The following SLC34A2 variants were observed in gnomAD, a reference collection of about 807,000 sequenced individuals.
SLC34A2 encodes solute carrier family 34 member 2.
A neutral mutation model predicts 50.8 loss-of-function variants in SLC34A2; 41 were observed. That is an observed-to-expected ratio of 0.81 (90% CI 0.63 to 1.05). The LOEUF (loss-of-function observed/expected upper bound fraction) is 1.05. Among genes scored for constraint, SLC34A2 ranks in the 50% least tolerant of loss-of-function variants. SLC34A2 has a pLI of 0.00. For synonymous variants in SLC34A2, 401 were observed against 364.2 expected (o/e 1.10, Z -1.15); for missense variants, 879 against 876.7 (o/e 1.00, Z -0.03).
chr4:25,657,092 G>C (rs150433116), intron 1 of SLC34A2, among the ~76,000 whole-genome samples: 5 of 152,146 alleles, frequency 3.3e-5, no homozygotes, highest in Admixed American at 3.3e-4. Context: ...TAAGAAAGGC[G>C]TGCTTTGTAA....
intron 3 of SLC34A2, 46 bp downstream of exon 3, chr4:25,662,888 G>T: frequency 6.2e-7 from 1 of 1,607,020 alleles, no homozygotes; most frequent in South Asian, 1.1e-5. Context: ...AACTTCCTGT[G>T]GTTCACGGTG....
intron 8 of SLC34A2, 87 bp from the exon 9 acceptor site, chr4:25,671,514 T>C (rs1055440568): frequency 1.3e-6 from 2 of 1,552,522 alleles, no homozygotes; most frequent in African/African-American, 2.7e-5. Flanking sequence ...GGGTGGTGTC[T>C]GCGCCTGTTC....
In SLC34A2 at chr4:25,658,022, C is replaced by T. The variant is rs115390901; in HGVS notation, c.-4+2132C>T. Reference sequence around the variant, plus strand: ...TACAAGAAAGTTTTCCTGGGCATCCCGAGAACACTGGCCTGCATGAGGTTG... The same window carrying T: ...TACAAGAAAGTTTTCCTGGGCATCCTGAGAACACTGGCCTGCATGAGGTTG... On this transcript the variant is annotated intron_variant, in intron 1 of 12. Coordinates refer to ENST00000382051, the MANE Select transcript of SLC34A2 (RefSeq NM_006424.3). 5.7e-3 allele frequency among the ~76,000 whole-genome samples: 870 copies of T among 152,226 alleles called. 15 individuals are homozygous for T. Among genetic ancestry groups the T allele is most frequent in the African/African-American group, 0.02 (821 of 41,528 alleles).
Position 25,662,518 on chromosome 4 carries a change from A to C in SLC34A2, c.18A>C (p.Glu6Asp), listed in dbSNP as rs1714250129. 2 of 1,613,896 alleles carry C rather than the reference A, an allele frequency of 1.2e-6. No individual in the cohort carries two copies. Among genetic ancestry groups the C allele is most frequent in the Admixed American group, 3.3e-5 (2 of 59,994 alleles). ...CACAGACCATGGCTCCCTGGCCTGA[A>C]TTGGGAGATGCCCAGCCCAACCCCG... MAPWP[E>D]LGDAQPNPDK... The change falls in exon 2 of 13, where the codon GAA (glutamate) becomes GAC (aspartate). Residue 6 changes from glutamate (E) to aspartate (D), a missense_variant. Transcript: ENST00000382051.
chr4:25,671,328 T>C (rs899455609), intron 8 of SLC34A2, among the ~76,000 whole-genome samples: 3 of 152,146 alleles, frequency 2.0e-5, no homozygotes, highest in Non-Finnish European at 2.9e-5. Flanking sequence ...GGGGTGTACA[T>C]GTATTTTTTT....
At chr4:25,674,956 A>G (rs189902474) in intron 12 of SLC34A2, among the ~76,000 whole-genome samples, 1 of 152,220 alleles carries the variant, frequency 6.6e-6, no homozygotes, top group East Asian at 1.9e-4. Flanking sequence ...GGAACTTTAC[A>G]ATTAGGAGAA....
chr4:25,656,182 G>T (rs1713872644), intron 1 of SLC34A2, among the ~76,000 whole-genome samples: 1 of 152,230 alleles, frequency 6.6e-6, no homozygotes, highest in South Asian at 2.1e-4. Context: ...TGGTTTGGAA[G>T]AGGAAAGGCC....
Position 25,678,543 on chromosome 4 carries a change from G to T in SLC34A2, c.*1794G>T, listed in dbSNP as rs965920488. 4 of 202,328 alleles carry T rather than the reference G, an allele frequency of 2.0e-5. No homozygotes were observed. Among genetic ancestry groups the T allele is most frequent in the Non-Finnish European group, 4.1e-5 (4 of 98,176 alleles). 12.5% of individuals were successfully genotyped at this position (202,328 alleles called of 1,614,324 possible). ...TTTTAAAAATTGAATCTTTGTACTT[G>T]CATTGATTGTATAATAATTTTGAGA... is the stretch of plus-strand genomic sequence containing the variant. On this transcript the variant is annotated 3_prime_UTR_variant, in exon 13 of 13. Coordinates refer to ENST00000382051, the MANE Select transcript of SLC34A2 (RefSeq NM_006424.3).
At chr4:25,669,024 C>T (rs184165770) in intron 6 of SLC34A2, among the ~76,000 whole-genome samples, 27 of 151,718 alleles carry the variant, frequency 1.8e-4, no homozygotes, top group Admixed American at 4.6e-4. Flanking sequence ...CAGATGGATG[C>T]AAAATGTTTT....
At chr4:25,656,519 C>T (rs959630460) in intron 1 of SLC34A2, 1 of 152,292 alleles carries the variant, frequency 6.6e-6, no homozygotes, top group African/African-American at 2.4e-5. Flanking sequence ...CTTCAGCCGT[C>T]TTGGGGAGCA....
rs779027513 is a variant in SLC34A2 at position 25,666,110 on chromosome 4, T to C, written c.380-18T>C. 1 of 1,612,224 alleles carries C rather than the reference T, an allele frequency of 6.2e-7. No homozygotes were observed. Among genetic ancestry groups the C allele is most frequent in the South Asian group, 1.1e-5 (1 of 91,074 alleles). ...ATCACGTTGTGATTGTTTTTGTTTGTTTGTTTGTTTTTCCCAGGAAAAATG... is the reference window on the plus strand; with the variant it reads ...ATCACGTTGTGATTGTTTTTGTTTGCTTGTTTGTTTTTCCCAGGAAAAATG... On this transcript the variant is annotated intron_variant, in intron 4 of 12. Coordinates refer to ENST00000382051, the MANE Select transcript of SLC34A2 (RefSeq NM_006424.3).
At chr4:25,673,559 G>C (rs1251186301) in intron 10 of SLC34A2, among the ~76,000 whole-genome samples, 2 of 152,046 alleles carry the variant, frequency 1.3e-5, no homozygotes, top group Admixed American at 6.6e-5. Flanking sequence ...TACTGGCTCT[G>C]TCAAGACCCC....
At chr4:25,674,237 G>A (rs1714979710) in intron 10 of SLC34A2, 59 bp from the exon 11 acceptor site, 1 of 1,342,496 alleles carries the variant, frequency 7.4e-7, no homozygotes, top group African/African-American at 1.4e-5. Context: ...CCCTACCCCA[G>A]GCCACCAGGC....
Position 25,677,003 on chromosome 4 carries a change from G to C in SLC34A2, c.*254G>C. The C allele has an allele frequency of 1.9e-6, 1 of 540,388 alleles. No individual in the cohort carries two copies. Among genetic ancestry groups the C allele is most frequent in the African/African-American group, 1.9e-5 (1 of 53,038 alleles). 33.5% of individuals were successfully genotyped at this position (540,388 alleles called of 1,614,324 possible). A position where few individuals can be genotyped will look rare whatever the true frequency, so the allele number is the denominator to read the frequency against. Reference sequence around the variant, plus strand: ...AGGATGGTACCTAAAGAGAATTAGAGAATGAACCTGGCGGGACGGATGTCT... The same window carrying C: ...AGGATGGTACCTAAAGAGAATTAGACAATGAACCTGGCGGGACGGATGTCT... On this transcript the variant is annotated 3_prime_UTR_variant, in exon 13 of 13. Transcript: ENST00000382051.
intron 3 of SLC34A2, 115 bp from the exon 4 acceptor site, chr4:25,664,087 C>A (rs1054671609): frequency 3.0e-6 from 3 of 1,001,108 alleles, no homozygotes; most frequent in Non-Finnish European, 4.8e-6. Context: ...GGCTGCCAGG[C>A]TGGGAAGGGA....
chr4:25,664,182 C>A lies in SLC34A2; in HGVS notation c.251-20C>A. The A allele has an allele frequency of 6.2e-7, 1 of 1,608,558 alleles. No homozygotes were observed. Among genetic ancestry groups the A allele is most frequent in the Non-Finnish European group, 8.5e-7 (1 of 1,175,646 alleles). On this transcript the variant is annotated intron_variant, in intron 3 of 12. Transcript: ENST00000382051. ...AGTTTCATGCCTTTCTCTCTCTCCC[C>A]CCATCCCACCCCCCTGCAGAGAGAG...
Position 25,673,167 on chromosome 4 carries a change from T to C in SLC34A2, c.1129T>C (p.Cys377Arg). The C allele has an allele frequency of 6.2e-7, 1 of 1,614,186 alleles. No homozygotes were observed. Among genetic ancestry groups the C allele is most frequent in the Non-Finnish European group, 8.5e-7 (1 of 1,180,038 alleles). The change falls in exon 10 of 13, where the codon TGT (cysteine) becomes CGT (arginine). Residue 377 changes from cysteine to arginine, a missense_variant. Coordinates refer to ENST00000382051, the MANE Select transcript of SLC34A2 (RefSeq NM_006424.3). ...GCTCATACTCTCCCTGCTGGTCCTC[T>C]GTGGTTGCCTGATCATGATTGTCAA... Reference protein sequence around the residue: ...ILLILSLLVLCGCLIMIVKIL... With the variant: ...ILLILSLLVLRGCLIMIVKIL...
rs925834744 is a variant in SLC34A2, at chr4:25,677,743, T to C, written c.*994T>C. 2 of 152,132 alleles carry C rather than the reference T, an allele frequency of 1.3e-5. No homozygotes were observed. The highest frequency in any genetic ancestry group is 4.8e-5 in the African/African-American group (2 of 41,424). The allele number at this position is 152,132 out of a possible 1,614,324, so 9.4% of individuals were successfully genotyped here. ...AGGGAGTATCTGCACCTGGAATAGC[T>C]CTCCACCCCTCTCTGCCTCCTTACT... On this transcript the variant is annotated 3_prime_UTR_variant, in exon 13 of 13. Transcript: ENST00000382051.
At chr4:25,658,536 C>T (rs1423395655) in intron 1 of SLC34A2, among the ~76,000 whole-genome samples, 1 of 152,208 alleles carries the variant, frequency 6.6e-6, no homozygotes, top group Non-Finnish European at 1.5e-5. Flanking sequence ...CTTCCCAAGT[C>T]TGAGCCAAGT....
Sources: gnomAD v4.1 joint callset for allele counts (sites outside exome capture counted in the v4.1 genomes callset) on GRCh38, gnomAD v4.1.1 for gene constraint, MANE v1.5 for transcripts, NCBI Gene and HGNC (gene_info 2026-07-23, HGNC 2026-07-21) for gene names.